THSD7B: variants seen among roughly 807,000 people sequenced by gnomAD.
THSD7B encodes the protein thrombospondin type-1 domain-containing protein 7B.
In THSD7B, 138 loss-of-function variants were observed where a neutral mutation model predicts 213.6. That is an observed-to-expected ratio of 0.65 (90% CI 0.56 to 0.74). THSD7B has a LOEUF of 0.74. Ranked by LOEUF, THSD7B falls within the 30% of genes least tolerant of loss-of-function variation. The probability of loss-of-function intolerance (pLI) is 0.00; values close to 1 mark genes in which losing one functional copy is unlikely to be tolerated. For missense variants in THSD7B, 1,931 were observed against 1,991.5 expected, an observed-to-expected ratio of 0.97 and a Z score of 0.58; for synonymous variants, 742 against 687.0, an observed-to-expected ratio of 1.08 and a Z score of -1.25.
At chr2:136,941,925 C>T (rs911549163) in intron 2 of THSD7B, among the ~76,000 whole-genome samples, 3 of 152,126 alleles carry the variant, frequency 2.0e-5, no homozygotes, top group African/African-American at 7.2e-5. Flanking sequence ...CTTGCCCATG[C>T]CTGTGTCCTG....
chr2:137,608,590 GA>G (rs1218854054), intron 17 of THSD7B, among the ~76,000 whole-genome samples: 3 of 152,152 alleles, frequency 2.0e-5, no homozygotes, highest in Non-Finnish European at 4.4e-5. Flanking sequence ...AGATGTGTGA[GA>G]TAATAAATAT....
At chr2:136,921,636 T>G (rs983315928) in intron 2 of THSD7B, among the ~76,000 whole-genome samples, 1 of 152,246 alleles carries the variant, frequency 6.6e-6, no homozygotes, top group Admixed American at 6.5e-5. Context: ...TTTTGCATTT[T>G]CTTGATTTTC....
At chr2:136,989,270 C>T (rs1346361005) in intron 2 of THSD7B, among the ~76,000 whole-genome samples, 1 of 152,094 alleles carries the variant, frequency 6.6e-6, no homozygotes, top group Admixed American at 6.6e-5. Flanking sequence ...AATGTGATCC[C>T]CAGTGTTGGT....
At chr2:137,486,305 A>G (rs1416866576) in intron 15 of THSD7B, among the ~76,000 whole-genome samples, 3 of 149,614 alleles carry the variant, frequency 2.0e-5, no homozygotes, top group Admixed American at 6.7e-5. Flanking sequence ...AGGAAGATCT[A>G]CCAAGCAAAT....
intron 2 of THSD7B, among the ~76,000 whole-genome samples, chr2:136,883,535 T>C (rs1323891447): frequency 1.3e-5 from 2 of 152,170 alleles, no homozygotes; most frequent in African/African-American, 4.8e-5. Flanking sequence ...AATGGGGTTA[T>C]TTTGTTTTAA....
At chr2:137,623,096 C>T (rs958316773) in intron 20 of THSD7B, among the ~76,000 whole-genome samples, 24 of 152,242 alleles carry the variant, frequency 1.6e-4, no homozygotes, top group Middle Eastern at 3.4e-3. Flanking sequence ...ACTGGCAAAC[C>T]GAATCCAGCA....
At chr2:137,665,325 TCTAA>T (rs1315920136) in intron 26 of THSD7B, among the ~76,000 whole-genome samples, 1 of 152,130 alleles carries the variant, frequency 6.6e-6, no homozygotes, top group South Asian at 2.1e-4. Context: ...AATTTGGAGA[TCTAA>T]CTAACACAGC....
At chr2:137,181,535 A>C (rs555246275) in intron 7 of THSD7B, among the ~76,000 whole-genome samples, 5 of 152,298 alleles carry the variant, frequency 3.3e-5, no homozygotes, top group Admixed American at 2.0e-4. Context: ...ATAGCTGCCT[A>C]GCAATGGTGA....
chr2:137,543,827 A>G (rs1680651011), intron 15 of THSD7B, among the ~76,000 whole-genome samples: 2 of 151,772 alleles, frequency 1.3e-5, no homozygotes, highest in African/African-American at 4.8e-5. Context: ...TCTCCAAAAT[A>G]TGTCTTGGAG....
chr2:137,479,556 C>A, intron 15 of THSD7B: 1 of 298,276 alleles, frequency 3.4e-6, no homozygotes, highest in South Asian at 2.5e-5. Flanking sequence ...GGCTGGGGAC[C>A]ATATGCTTTG....
intron 10 of THSD7B, among the ~76,000 whole-genome samples, chr2:137,243,749 T>C (rs917308008): frequency 4.6e-5 from 7 of 152,242 alleles, no homozygotes; most frequent in Non-Finnish European, 1.0e-4. Context: ...CTGTGGCACC[T>C]GTTGAAAATT....
chr2:136,819,630 C>T (rs1682538216), intron 1 of THSD7B, among the ~76,000 whole-genome samples: 1 of 152,148 alleles, frequency 6.6e-6, no homozygotes, highest in African/African-American at 2.4e-5. Flanking sequence ...TGAGCCACCA[C>T]CTGGAGGAAG....
intron 5 of THSD7B, among the ~76,000 whole-genome samples, chr2:137,129,172 T>G (rs1031411869): frequency 1.3e-5 from 2 of 152,142 alleles, no homozygotes; most frequent in East Asian, 3.8e-4. Context: ...TCAAGTTGCT[T>G]GGGGGTGGAA....
chr2:137,154,890 C>T (rs1439745007), intron 5 of THSD7B, among the ~76,000 whole-genome samples: 2 of 152,088 alleles, frequency 1.3e-5, no homozygotes, highest in Admixed American at 1.3e-4. Context: ...ATATCCCCTA[C>T]CCAGCATATT....
At chr2:136,901,823 G>A (rs1454921836) in intron 2 of THSD7B, among the ~76,000 whole-genome samples, 1 of 152,232 alleles carries the variant, frequency 6.6e-6, no homozygotes, top group African/African-American at 2.4e-5. Context: ...AGCCAGCGAT[G>A]CATTAAAAGG....
intron 3 of THSD7B, among the ~76,000 whole-genome samples, chr2:137,074,350 T>C (rs1687569054): frequency 6.6e-6 from 1 of 152,192 alleles, no homozygotes; most frequent in African/African-American, 2.4e-5. Context: ...TGGCCTTCTT[T>C]GTCTCTTTTG....
intron 1 of THSD7B, among the ~76,000 whole-genome samples, chr2:136,789,316 GTTTTATTT>G (rs958717064): frequency 6.6e-6 from 1 of 151,744 alleles, no homozygotes; most frequent in Non-Finnish European, 1.5e-5. Context: ...TCACTACTTA[GTTTTATTT>G]TTTTATTTTT....
intron 15 of THSD7B, among the ~76,000 whole-genome samples, chr2:137,490,415 C>G (rs983654826): frequency 2.6e-5 from 4 of 152,132 alleles, no homozygotes; most frequent in African/African-American, 9.7e-5. Flanking sequence ...TAGGGTGCAG[C>G]TGGAGCTTTA....
chr2:137,377,872 G>A (rs149184171), intron 12 of THSD7B, among the ~76,000 whole-genome samples: 308 of 152,104 alleles, frequency 2.0e-3, no homozygotes, highest in Admixed American at 6.2e-3. Context: ...TGATCCACCC[G>A]CCTCAGCCTC....
Sources: gnomAD v4.1 joint callset for allele counts (sites outside exome capture counted in the v4.1 genomes callset) on GRCh38, gnomAD v4.1.1 for gene constraint, MANE v1.5 for transcripts, NCBI Gene and HGNC (gene_info 2026-07-23, HGNC 2026-07-21) for gene names.